DDX10: variants seen among roughly 807,000 people sequenced by gnomAD.
The protein encoded by DDX10 is probable ATP-dependent RNA helicase DDX10.
Under a neutral mutation model 104.3 loss-of-function variants are expected in DDX10, and 74 were observed. The ratio of observed to expected loss-of-function variants is 0.71; its 90% CI spans 0.59 to 0.86. The LOEUF (loss-of-function observed/expected upper bound fraction) is 0.86. DDX10 is among the 40% of genes least tolerant of loss of function. The pLI is 0.00. For synonymous variants in DDX10, 351 were observed against 353.4 expected (o/e 0.99, Z 0.08); for missense variants, 952 against 1,040.0 (o/e 0.92, Z 1.16).
At chr11:108,908,833 T>C (rs1863630708) in intron 16 of DDX10, among the ~76,000 whole-genome samples, 1 of 152,272 alleles carries the variant, frequency 6.6e-6, no homozygotes, top group Admixed American at 6.5e-5. Context: ...CTAAGTGCTT[T>C]ACCTATGTTG....
intron 16 of DDX10, among the ~76,000 whole-genome samples, chr11:108,915,142 A>G (rs923786296): frequency 6.6e-6 from 1 of 152,212 alleles, no homozygotes; most frequent in Non-Finnish European, 1.5e-5. Flanking sequence ...AGTGAAAAAC[A>G]TTATCAGATC....
chr11:108,803,720 T>A (rs1336046695), intron 13 of DDX10, among the ~76,000 whole-genome samples: 1 of 152,198 alleles, frequency 6.6e-6, no homozygotes, highest in Admixed American at 6.5e-5. Context: ...AAAGTGTAAT[T>A]TTATGTCCTT....
intron 9 of DDX10, among the ~76,000 whole-genome samples, chr11:108,698,948 G>A (rs1352179898): frequency 1.3e-5 from 2 of 152,150 alleles, no homozygotes; most frequent in African/African-American, 2.4e-5. Context: ...TTTTCCTCAA[G>A]TATCCACATG....
intron 17 of DDX10, among the ~76,000 whole-genome samples, chr11:108,926,900 A>G (rs1863916327): frequency 6.6e-6 from 1 of 152,242 alleles, no homozygotes; most frequent in Admixed American, 6.5e-5. Context: ...AAAAAATCCA[A>G]GCTACATTTA....
chr11:108,769,775 T>C (rs2094360652), intron 13 of DDX10, among the ~76,000 whole-genome samples: 1 of 152,192 alleles, frequency 6.6e-6, no homozygotes, highest in Admixed American at 6.5e-5. Context: ...AACTCTCAAA[T>C]TATTGAGGGG....
chr11:108,890,410 A>G (rs1863359728), intron 16 of DDX10, among the ~76,000 whole-genome samples: 1 of 152,146 alleles, frequency 6.6e-6, no homozygotes. Flanking sequence ...TATCAGTGGT[A>G]TGTTGCAAAT....
intron 13 of DDX10, among the ~76,000 whole-genome samples, chr11:108,823,245 A>G (rs2134579634): frequency 6.6e-6 from 1 of 152,312 alleles, no homozygotes; most frequent in Non-Finnish European, 1.5e-5. Context: ...TAGTACACAT[A>G]GGCTAGCCTT....
chr11:108,891,888 C>T (rs758764688), intron 16 of DDX10, among the ~76,000 whole-genome samples: 2 of 151,936 alleles, frequency 1.3e-5, no homozygotes, highest in African/African-American at 2.4e-5. Context: ...GTATAAAAAT[C>T]CCCCTAAAAT....
At chr11:108,768,255 C>T (rs2094358585) in intron 13 of DDX10, among the ~76,000 whole-genome samples, 1 of 152,086 alleles carries the variant, frequency 6.6e-6, no homozygotes, top group Non-Finnish European at 1.5e-5. Context: ...GCCCCTAATT[C>T]CTGTGTTGTT....
intron 4 of DDX10, 124 bp downstream of exon 4, chr11:108,677,367 A>G (rs895144911): frequency 1.2e-6 from 1 of 809,466 alleles, no homozygotes; most frequent in Non-Finnish European, 1.9e-6. Context: ...GCCTCATGGG[A>G]TAGTAGCACT....
intron 16 of DDX10, among the ~76,000 whole-genome samples, chr11:108,856,062 C>A (rs1260902662): frequency 6.6e-6 from 1 of 152,070 alleles, no homozygotes; most frequent in Non-Finnish European, 1.5e-5. Context: ...AAGGTAATCT[C>A]TGTACAACAG....
In DDX10 at chr11:108,688,984, A is replaced by G; in HGVS notation, c.897A>G (p.Gln299=). ...ACTACATAGTCTGTGAGCTGCAGCA[A>G]AAAATAAGTGTGCTGTATTCCTTTT... is the stretch of plus-strand genomic sequence containing the variant. ...EQNYIVCELQ[Q]KISVLYSFLR... Residue 299 remains glutamine, a synonymous_variant, in exon 7 of 18, where the codon CAA becomes CAG. Coordinates refer to ENST00000322536, the MANE Select transcript of DDX10 (RefSeq NM_004398.4). The G allele has an allele frequency of 6.2e-7, 1 of 1,614,140 alleles. No individual in the cohort carries two copies. Among genetic ancestry groups the G allele is most frequent in the Non-Finnish European group, 8.5e-7 (1 of 1,179,978 alleles).
intron 17 of DDX10, among the ~76,000 whole-genome samples, chr11:108,928,668 C>T (rs1863939613): frequency 6.6e-6 from 1 of 152,142 alleles, no homozygotes; most frequent in Admixed American, 6.5e-5. Flanking sequence ...TGTGACCCAG[C>T]TTTCTTCATC....
intron 6 of DDX10, among the ~76,000 whole-genome samples, chr11:108,686,060 C>T (rs889577676): frequency 3.9e-5 from 6 of 152,134 alleles, no homozygotes; most frequent in Non-Finnish European, 8.8e-5. Flanking sequence ...CCATAATTCC[C>T]TATAGATATG....
At chr11:108,700,316 C>T (rs2094265941) in intron 9 of DDX10, among the ~76,000 whole-genome samples, 2 of 152,180 alleles carry the variant, frequency 1.3e-5, no homozygotes, top group African/African-American at 4.8e-5. Context: ...TATTAGGAAA[C>T]TCTTTCTCAG....
chr11:108,678,183 A>G, intron 4 of DDX10, 132 bp from the exon 5 acceptor site: 1 of 889,668 alleles, frequency 1.1e-6, no homozygotes, highest in Non-Finnish European at 1.6e-6. Flanking sequence ...ATACAAGGGA[A>G]AAGTTATGTT....
intron 16 of DDX10, among the ~76,000 whole-genome samples, chr11:108,899,300 A>G (rs1030114881): frequency 1.3e-5 from 2 of 151,578 alleles, no homozygotes; most frequent in African/African-American, 2.4e-5. Context: ...ATTTCTTAAC[A>G]TTATAATCCT....
rs755087241 is a variant in DDX10, at chr11:108,691,881, G to T, written c.981G>T (p.Gln327His). The T allele has an allele frequency of 6.2e-7, 1 of 1,613,648 alleles. No homozygotes were observed. Among genetic ancestry groups the T allele is most frequent in the African/African-American group, 1.3e-5 (1 of 74,916 alleles). Residue 327 changes from glutamine to histidine, a missense_variant, in exon 8 of 18, where the codon CAG becomes CAT. Coordinates refer to ENST00000322536, the MANE Select transcript of DDX10 (RefSeq NM_004398.4). ...TTCTTCTGTTGATGCCCCAGGTCCA[G>T]TATCTGTACCGAGTGTTTTGCCGGC... Reference protein sequence around the residue: ...IVFFSSCKEVQYLYRVFCRLR... With the variant: ...IVFFSSCKEVHYLYRVFCRLR...
intron 13 of DDX10, among the ~76,000 whole-genome samples, chr11:108,794,258 C>T (rs1022326952): frequency 4.0e-5 from 6 of 151,276 alleles, no homozygotes; most frequent in African/African-American, 1.5e-4. Flanking sequence ...TTTGAGAGAT[C>T]TCCATACTAG....
Sources: gnomAD v4.1 joint callset for allele counts (sites outside exome capture counted in the v4.1 genomes callset) on GRCh38, gnomAD v4.1.1 for gene constraint, MANE v1.5 for transcripts, NCBI Gene and HGNC (gene_info 2026-07-23, HGNC 2026-07-21) for gene names.